Variants in MCF2L observed in about 807,000 individuals in gnomAD.
The protein encoded by MCF2L is guanine nucleotide exchange factor DBS.
Under a neutral mutation model 153.4 loss-of-function variants are expected in MCF2L, and 97 were observed. The ratio of observed to expected loss-of-function variants is 0.63; its 90% CI spans 0.54 to 0.75. The LOEUF (loss-of-function observed/expected upper bound fraction) is 0.75, where lower values mean the gene tolerates loss of function less well. MCF2L is among the 30% of genes least tolerant of loss of function. The pLI is 0.00. For synonymous variants in MCF2L, 659 were observed against 632.2 expected (o/e 1.04, Z -0.64); for missense variants, 1,347 against 1,495.2 (o/e 0.90, Z 1.64).
intron 1 of MCF2L, among the ~76,000 whole-genome samples, chr13:113,004,337 C>T (rs919010843): frequency 2.6e-5 from 4 of 152,184 alleles, no homozygotes; most frequent in African/African-American, 7.2e-5. Context: ...TCTTGTTGAG[C>T]GCACCTCCCA....
In MCF2L at chr13:112,904,944, T is replaced by C. The variant is rs150359177; in HGVS notation, c.169+2573T>C. ...TCATAAAATAGACACCCATGAAATG[T>C]ACCATTTTAACTACTGTCAAGTGTA... On this transcript the variant is annotated intron_variant, in intron 2 of 29. Coordinates refer to the MCF2L transcript ENST00000375608. This position sits in a 1 kb window ranked among gnomAD's most constrained non-coding sequence, Gnocchi z 4.2. Among the ~76,000 whole-genome samples the C allele has an allele frequency of 2.6e-3, 399 of 152,316 alleles. No individual in the cohort carries two copies. The highest frequency in any genetic ancestry group is 7.8e-3 in the African/African-American group (325 of 41,584).
chr13:113,005,441 A>C (rs72661969), intron 1 of MCF2L, among the ~76,000 whole-genome samples: 1 of 152,052 alleles, frequency 6.6e-6, no homozygotes, highest in African/African-American at 2.4e-5. Context: ...GCCATGGACT[A>C]TTCGTGGTGA....
At chr13:112,930,110 A>G (rs2140616699) in intron 2 of MCF2L, among the ~76,000 whole-genome samples, 1 of 152,268 alleles carries the variant, frequency 6.6e-6, no homozygotes, top group South Asian at 2.1e-4. Context: ...ACTGGGATGG[A>G]GCGGAGGGAG....
chr13:112,988,389 C>T (rs551432100), intron 1 of MCF2L, among the ~76,000 whole-genome samples: 10 of 152,296 alleles, frequency 6.6e-5, no homozygotes, highest in South Asian at 4.2e-4. Context: ...GAGCAGGGCC[C>T]GGGCACGTGA....
rs577577109 is a variant in MCF2L, at chr13:112,974,160, G to C, written c.79+4702G>C. Among the ~76,000 whole-genome samples the C allele has an allele frequency of 2.6e-5, 4 of 152,228 alleles. No individual in the cohort carries two copies. The East Asian group carries it at 7.7e-4, about 29-fold the overall frequency. On this transcript the variant is annotated intron_variant, in intron 1 of 29. Transcript: ENST00000535094. Reference sequence around the variant, plus strand: ...TGGCTTCCTCCTCCTTTAGTCTTACGTTTGGAGTTCCCTGCATTTGGCTTC... The same window carrying C: ...TGGCTTCCTCCTCCTTTAGTCTTACCTTTGGAGTTCCCTGCATTTGGCTTC...
chr13:113,099,137 G>A lies in MCF2L; in HGVS notation c.*2278G>A, dbSNP rs1033863. 114,739 of 152,096 alleles carry A rather than the reference G, an allele frequency of 0.75. 43,608 individuals are homozygous for A. Among genetic ancestry groups the A allele is most frequent in the South Asian group, 0.85 (4,070 of 4,814 alleles). The allele number at this position is 152,096 out of a possible 1,614,324, so 9.4% of individuals were successfully genotyped here. A position where few individuals can be genotyped will look rare whatever the true frequency, so the allele number is the denominator to read the frequency against. On this transcript the variant is annotated 3_prime_UTR_variant, in exon 30 of 30. Coordinates refer to ENST00000535094, the MANE Select transcript of MCF2L (RefSeq NM_001112732.3). ...TAGCAGTATCGATGACCTGAAATGG[G>A]ATTCAGGACAGTTCATAGAGTAAAG...
chr13:112,936,279 C>CAAAA (rs34826552), intron 2 of MCF2L, among the ~76,000 whole-genome samples: 12 of 74,280 alleles, frequency 1.6e-4, no homozygotes, highest in African/African-American at 2.7e-4. Context: ...GACTCTGTCT[C>CAAAA]AAAAAAAAAA....
intron 2 of MCF2L, among the ~76,000 whole-genome samples, chr13:112,929,853 T>A (rs1181433517): frequency 2.0e-5 from 3 of 152,364 alleles, no homozygotes; most frequent in East Asian, 3.9e-4. Flanking sequence ...TGTTGTTTTC[T>A]TCCGTTTGTG....
chr13:113,062,803 A>G (rs565733197), intron 5 of MCF2L, among the ~76,000 whole-genome samples: 1 of 152,182 alleles, frequency 6.6e-6, no homozygotes, highest in East Asian at 1.9e-4. Flanking sequence ...GAGTGACCTC[A>G]AAAAGGGCAA....
chr13:112,968,791 G>A, upstream of MCF2L: 1 of 1,345,914 alleles, frequency 7.4e-7, no homozygotes, highest in Non-Finnish European at 9.5e-7. Flanking sequence ...CTTCGCGGCT[G>A]CCCGCAAACC....
At chr13:113,096,305 G>A in intron 27 of MCF2L, 66 bp from the exon 28 acceptor site, 5 of 1,278,390 alleles carry the variant, frequency 3.9e-6, no homozygotes, top group Non-Finnish European at 5.5e-6. Context: ...ACTCCGCCTG[G>A]CTGCTGTGGG....
intron 2 of MCF2L, chr13:112,917,495 C>G (rs796868563): frequency 6.5e-6 from 2 of 307,152 alleles, no homozygotes; most frequent in South Asian, 5.9e-5. Flanking sequence ...ACCGCCGTCT[C>G]GCAGAACAGC....
chr13:113,026,987 G>C, intron 3 of MCF2L: 1 of 779,016 alleles, frequency 1.3e-6, no homozygotes, highest in Non-Finnish European at 2.4e-6. Flanking sequence ...GAGAATGTCA[G>C]CCTCACACCA....
At chr13:112,927,789 C>T (rs915896940) in intron 2 of MCF2L, among the ~76,000 whole-genome samples, 1 of 152,128 alleles carries the variant, frequency 6.6e-6, no homozygotes, top group African/African-American at 2.4e-5. Flanking sequence ...GGGGCGTAAT[C>T]GACAAAACCC....
At chr13:112,906,130 T>C (rs906815463) in intron 2 of MCF2L, among the ~76,000 whole-genome samples, 2 of 152,200 alleles carry the variant, frequency 1.3e-5, no homozygotes, top group Non-Finnish European at 2.9e-5. Flanking sequence ...CTGAAGCTGC[T>C]CTGTTTGCTC....
chr13:112,925,188 A>G (rs2140586447), intron 2 of MCF2L, among the ~76,000 whole-genome samples: 1 of 152,348 alleles, frequency 6.6e-6, no homozygotes, highest in African/African-American at 2.4e-5. Context: ...CATTAAAACC[A>G]CAATAGGGTA....
Position 113,096,541 on chromosome 13 carries a change from C to T in MCF2L, c.3189-9C>T. 6.2e-7 allele frequency: 1 copy of T among 1,601,054 alleles called. No homozygotes were observed. Among genetic ancestry groups the T allele is most frequent in the South Asian group, 1.1e-5 (1 of 89,166 alleles). On this transcript the variant is annotated splice_polypyrimidine_tract_variant and intron_variant, in intron 28 of 29. Coordinates refer to ENST00000535094, the MANE Select transcript of MCF2L (RefSeq NM_001112732.3). ...GCACGTGGCTGCCGCTGACCCTCGCCCCTTGCAGGTACGTCAGGGACCCGA... is the reference window on the plus strand; with the variant it reads ...GCACGTGGCTGCCGCTGACCCTCGCTCCTTGCAGGTACGTCAGGGACCCGA...
In MCF2L at chr13:113,097,074, G is replaced by C. The variant is rs1390582458; in HGVS notation, c.*215G>C. On this transcript the variant is annotated 3_prime_UTR_variant, in exon 30 of 30. Coordinates refer to ENST00000535094, the MANE Select transcript of MCF2L (RefSeq NM_001112732.3). ...CCCGGAGACTCCAGAGCCCACAGAG[G>C]AGGGGCCGCAGGGAACAGCCCCGGG... 2.7e-6 allele frequency: 1 copy of C among 366,710 alleles called. No individual in the cohort carries two copies. Among genetic ancestry groups the C allele is most frequent in the Non-Finnish European group, 4.8e-6 (1 of 206,614 alleles). 22.7% of individuals were successfully genotyped at this position (366,710 alleles called of 1,614,324 possible). A position where few individuals can be genotyped will look rare whatever the true frequency, so the allele number is the denominator to read the frequency against.
At position 113,053,266 on chromosome 13, in the gene MCF2L, G is replaced by A. The variant is rs903412136; in HGVS notation, c.370-7327G>A. 3.9e-4 allele frequency among the ~76,000 whole-genome samples: 60 copies of A among 152,302 alleles called. No homozygotes were observed. Among genetic ancestry groups the A allele is most frequent in the African/African-American group, 1.3e-3 (55 of 41,578 alleles). Reference sequence around the variant, plus strand: ...AGGTCCAGTGAAGGACGGCGCCCCCGTCAGCTGTCCACCCTTCTCAGTCGT... The same window carrying A: ...AGGTCCAGTGAAGGACGGCGCCCCCATCAGCTGTCCACCCTTCTCAGTCGT... On this transcript the variant is annotated intron_variant, in intron 4 of 29. Coordinates refer to ENST00000535094, the MANE Select transcript of MCF2L (RefSeq NM_001112732.3). The surrounding 1 kb of genome is among the most constrained non-coding windows in gnomAD (Gnocchi z 4.4).
Sources: allele counts gnomAD v4.1 joint callset (sites outside exome capture counted in the v4.1 genomes callset), GRCh38; gene constraint gnomAD v4.1.1; non-coding constraint Gnocchi (gnomAD v3.1); transcripts MANE v1.5; gene names NCBI Gene and HGNC (gene_info 2026-07-23, HGNC 2026-07-21).